The following SH3D19 variants were observed in gnomAD, a reference collection of about 807,000 sequenced individuals.
SH3D19 encodes SH3 domain containing 19.
Under a neutral mutation model 112.1 loss-of-function variants are expected in SH3D19, and 58 were observed. That is an observed-to-expected ratio of 0.52 (90% CI 0.42 to 0.64). SH3D19 has a LOEUF of 0.64. SH3D19 is among the 30% of genes least tolerant of loss of function. The probability of loss-of-function intolerance (pLI) is 0.00; values close to 1 mark genes in which losing one functional copy is unlikely to be tolerated. For synonymous variants in SH3D19, 391 were observed against 448.5 expected (o/e 0.87, Z 1.62); for missense variants, 1,090 against 1,263.4 (o/e 0.86, Z 2.08).
chr4:151,233,545 TCCTCATCTACCTC>T (rs1354412954), intron 1 of SH3D19, among the ~76,000 whole-genome samples: 2 of 152,198 alleles, frequency 1.3e-5, no homozygotes, highest in Non-Finnish European at 2.9e-5. Flanking sequence ...CTGACTGGTT[TCCTCATCTACCTC>T]CCTCTTCTAC....
At chr4:151,150,344 C>CAT (rs143319190) in intron 9 of SH3D19, among the ~76,000 whole-genome samples, 2,519 of 142,306 alleles carry the variant, frequency 0.018, 27 homozygotes, top group East Asian at 0.031. Context: ...TATACACACA[C>CAT]ATATATATAT....
At chr4:151,289,832 C>T (rs952892905) in intron 1 of SH3D19, among the ~76,000 whole-genome samples, 1 of 152,220 alleles carries the variant, frequency 6.6e-6, no homozygotes, top group Non-Finnish European at 1.5e-5. Context: ...GTAATCTCAA[C>T]TACTCAGAAG....
rs1770433791 is a variant in SH3D19, at chr4:151,240,023, G to A, written c.113-13937C>T. 2.0e-5 allele frequency among the ~76,000 whole-genome samples: 3 copies of A among 152,136 alleles called. No individual in the cohort carries two copies. In the South Asian group the frequency reaches 6.2e-4, roughly 31 times the overall value. On this transcript the variant is annotated intron_variant, in intron 1 of 19. Coordinates refer to ENST00000604030, the MANE Select transcript of SH3D19 (RefSeq NM_001378122.1). ...GTTCACACTGTAATCCCAGTGCTTT[G>A]GGAAGCTGAGGCAGGAGGATTGCTT...
intron 2 of SH3D19, among the ~76,000 whole-genome samples, chr4:151,216,795 C>T: frequency 6.6e-6 from 1 of 151,942 alleles, no homozygotes; most frequent in Non-Finnish European, 1.5e-5. Context: ...ACTGCTACAC[C>T]ATATACATGC....
chr4:151,256,063 A>G (rs551988206), intron 1 of SH3D19, among the ~76,000 whole-genome samples: 1 of 134,216 alleles, frequency 7.5e-6, no homozygotes, highest in South Asian at 2.3e-4. Context: ...TTGAATTATA[A>G]TAAAGATTTT....
At chr4:151,260,053 G>A (rs1297714393) in intron 1 of SH3D19, among the ~76,000 whole-genome samples, 1 of 152,106 alleles carries the variant, frequency 6.6e-6, no homozygotes, top group Admixed American at 6.6e-5. Flanking sequence ...AAGAAAGTGT[G>A]CTTACACTTG....
At chr4:151,299,656 T>G (rs1247276670) in intron 1 of SH3D19, among the ~76,000 whole-genome samples, 1 of 151,522 alleles carries the variant, frequency 6.6e-6, no homozygotes, top group Admixed American at 6.6e-5. Flanking sequence ...ACAAATCTCC[T>G]ATTCCCTTAT....
chr4:151,282,150 C>T, intron 1 of SH3D19: 1 of 1,613,618 alleles, frequency 6.2e-7, no homozygotes, highest in Non-Finnish European at 8.5e-7. Context: ...CCCCATAGGA[C>T]CTGGACTACT....
chr4:151,282,071 GACTTAGTGCT>G, intron 1 of SH3D19: 1 of 1,478,512 alleles, frequency 6.8e-7, no homozygotes. Flanking sequence ...CTTGAGTAGA[GACTTAGTGCT>G]ACATATAGGC....
intron 14 of SH3D19, among the ~76,000 whole-genome samples, chr4:151,135,421 A>C (rs1323949129): frequency 1.1e-5 from 1 of 87,488 alleles, no homozygotes; most frequent in South Asian, 4.6e-4. Context: ...TCTCTATCTC[A>C]TTTTTTTTTT....
intron 2 of SH3D19, among the ~76,000 whole-genome samples, chr4:151,200,912 C>T (rs2407417): frequency 0.69 from 105,668 of 152,152 alleles, 41,790 homozygotes; most frequent in Non-Finnish European, 0.89. Flanking sequence ...AACCAACATT[C>T]ATATTGGAAT....
At chr4:151,301,967 T>A (rs894573582) in intron 1 of SH3D19, among the ~76,000 whole-genome samples, 1 of 152,154 alleles carries the variant, frequency 6.6e-6, no homozygotes, top group Non-Finnish European at 1.5e-5. Flanking sequence ...TTTTTTGCCA[T>A]GAGTTTTGGT....
intron 1 of SH3D19, among the ~76,000 whole-genome samples, chr4:151,252,715 C>T (rs1267112973): frequency 6.6e-6 from 1 of 152,202 alleles, no homozygotes; most frequent in African/African-American, 2.4e-5. Flanking sequence ...AGCTAGACAT[C>T]GATCAAGCAT....
chr4:151,301,564 G>A (rs145643664), intron 1 of SH3D19, among the ~76,000 whole-genome samples: 4 of 152,018 alleles, frequency 2.6e-5, no homozygotes, highest in East Asian at 3.9e-4. Flanking sequence ...GGCACTCCCC[G>A]CTCTCTCTCT....
intron 3 of SH3D19, among the ~76,000 whole-genome samples, chr4:151,185,361 C>T (rs745742994): frequency 1.3e-5 from 2 of 152,096 alleles, no homozygotes; most frequent in Non-Finnish European, 2.9e-5. Context: ...AGATTCTATC[C>T]CTTCTCATCT....
At chr4:151,162,593 G>T (rs950485628) in intron 8 of SH3D19, among the ~76,000 whole-genome samples, 11 of 144,134 alleles carry the variant, frequency 7.6e-5, no homozygotes, top group African/African-American at 1.1e-4. Flanking sequence ...TTACAAGATT[G>T]GTCCCTTTTT....
chr4:151,276,228 T>G (rs1261159455), intron 1 of SH3D19, among the ~76,000 whole-genome samples: 1 of 152,186 alleles, frequency 6.6e-6, no homozygotes, highest in Non-Finnish European at 1.5e-5. Context: ...AATAGTTCAT[T>G]GAATTCTGCC....
chr4:151,122,988 G>A (rs1236378582), intron 19 of SH3D19, among the ~76,000 whole-genome samples: 1 of 151,744 alleles, frequency 6.6e-6, no homozygotes, highest in Non-Finnish European at 1.5e-5. Context: ...AGCAGCTGGG[G>A]TTACAGGTGC....
chr4:151,179,117 T>TA (rs895256059), intron 4 of SH3D19, among the ~76,000 whole-genome samples: 1 of 152,192 alleles, frequency 6.6e-6, no homozygotes, highest in African/African-American at 2.4e-5. Context: ...AATAAACATT[T>TA]AAAAAATCAA....
Sources: allele counts gnomAD v4.1 joint callset (sites outside exome capture counted in the v4.1 genomes callset), GRCh38; gene constraint gnomAD v4.1.1; transcripts MANE v1.5; gene names NCBI Gene and HGNC (gene_info 2026-07-23, HGNC 2026-07-21).